SLC38A9: variants seen among roughly 807,000 people sequenced by gnomAD.
SLC38A9 encodes solute carrier family 38 member 9.
Under a neutral mutation model 62.3 loss-of-function variants are expected in SLC38A9, and 48 were observed. The observed-to-expected ratio is 0.77, with a 90% CI of 0.61 to 0.98. The LOEUF is 0.98. SLC38A9 is among the 50% of genes least tolerant of loss of function. SLC38A9 has a pLI of 0.00. For missense variants in SLC38A9, 541 were observed against 679.8 expected, an observed-to-expected ratio of 0.80 and a Z score of 2.27; for synonymous variants, 204 against 227.7, an observed-to-expected ratio of 0.90 and a Z score of 0.94.
At chr5:55,649,353 T>C (rs1746970420) in intron 10 of SLC38A9, 39 bp from the exon 11 acceptor site, 1 of 1,246,206 alleles carries the variant, frequency 8.0e-7, no homozygotes, top group Non-Finnish European at 1.1e-6. Context: ...ATTATCTTTG[T>C]GTGTTTTACA....
At position 55,669,842 on chromosome 5, in the gene SLC38A9, C is replaced by A; in HGVS notation, c.284G>T (p.Cys95Phe). 1.2e-6 allele frequency: 2 copies of A among 1,612,628 alleles called. No homozygotes were observed. Among genetic ancestry groups the A allele is most frequent in the Non-Finnish European group, 8.5e-7 (1 of 1,179,398 alleles). Reference sequence around the variant, plus strand: ...AGAGCCCAATGGACTATACACATAGCACTCTTCTGGAGCTGGAACTACATG... The same window carrying A: ...AGAGCCCAATGGACTATACACATAGAACTCTTCTGGAGCTGGAACTACATG... ...PDHVVPAPEE[C>F]YVYSPLGSAY... The change falls in exon 5 of 16, where the codon TGC becomes TTC. Residue 95 changes from cysteine to phenylalanine, a missense_variant. Physicochemically the swap from Cys to Phe is radical, Grantham distance 205 (BLOSUM62 -2). Transcript: ENST00000396865.
intron 3 of SLC38A9, among the ~76,000 whole-genome samples, chr5:55,690,250 C>G (rs1427864840): frequency 2.0e-5 from 3 of 152,050 alleles, no homozygotes; most frequent in Non-Finnish European, 4.4e-5. Flanking sequence ...CCTCAGCCTC[C>G]CAAAGTGCTG....
chr5:55,668,190 GA>G (rs57784317), intron 7 of SLC38A9, among the ~76,000 whole-genome samples: 90,733 of 151,552 alleles, frequency 0.6, 27,757 homozygotes, highest in South Asian at 0.7. Flanking sequence ...GAAAATAAAA[GA>G]AAAAACAGTT....
chr5:55,689,672 A>G (rs1280583435), intron 3 of SLC38A9, among the ~76,000 whole-genome samples: 1 of 152,194 alleles, frequency 6.6e-6, no homozygotes, highest in Non-Finnish European at 1.5e-5. Context: ...ATTTGGCCCT[A>G]ACGAGTACCA....
At chr5:55,695,579 T>C in intron 3 of SLC38A9, among the ~76,000 whole-genome samples, 1 of 104,472 alleles carries the variant, frequency 9.6e-6, no homozygotes, top group African/African-American at 3.2e-5. Context: ...AGCACAGGGT[T>C]GGGGGTAAGG....
chr5:55,656,617 C>T lies in SLC38A9; in HGVS notation c.757+98G>A, dbSNP rs1748475026. The T allele has an allele frequency of 6.3e-6, 5 of 790,432 alleles. No homozygotes were observed. The Admixed American group carries it at 1.1e-4, about 18-fold the overall frequency. 49.0% of individuals were successfully genotyped at this position (790,432 alleles called of 1,614,324 possible). A position where few individuals can be genotyped will look rare whatever the true frequency, so the allele number is the denominator to read the frequency against. ...GCTCAGTAAACATAATAATTTTCTA[C>T]TAATCGTTTACCTAAAATAAGGTCA... On this transcript the variant is annotated intron_variant, in intron 9 of 15. Coordinates refer to ENST00000396865, the MANE Select transcript of SLC38A9 (RefSeq NM_173514.4).
Position 55,697,993 on chromosome 5 carries a change from C to T in SLC38A9, c.-34-1G>A, listed in dbSNP as rs1165547119. The T allele has an allele frequency of 9.6e-7, 1 of 1,038,328 alleles. No homozygotes were observed. Among genetic ancestry groups the T allele is most frequent in the Non-Finnish European group, 1.4e-6 (1 of 691,736 alleles). The allele number at this position is 1,038,328 out of a possible 1,614,324, so 64.3% of individuals were successfully genotyped here. A position where few individuals can be genotyped will look rare whatever the true frequency, so the allele number is the denominator to read the frequency against. ...ACTCTAAGCACTGAAGAAGTTAGTC[C>T]TACACAAAGAAGATAAATAATTTAG... On this transcript the variant is annotated splice_acceptor_variant, in intron 2 of 15. Transcript: ENST00000396865. LOFTEE classifies it low-confidence loss of function (5UTR_SPLICE).
At chr5:55,627,654 A>C (rs1580045723) in intron 15 of SLC38A9, among the ~76,000 whole-genome samples, 1 of 151,088 alleles carries the variant, frequency 6.6e-6, no homozygotes, top group East Asian at 1.9e-4. Flanking sequence ...AGAAAAAGAA[A>C]ATGATGCCTG....
chr5:55,640,632 G>A (rs552018197), intron 12 of SLC38A9, among the ~76,000 whole-genome samples: 3 of 152,282 alleles, frequency 2.0e-5, no homozygotes, highest in African/African-American at 7.2e-5. Flanking sequence ...GAATTTTGGC[G>A]AGTGAAAAGT....
At chr5:55,660,907 T>C (rs1386644669) in intron 8 of SLC38A9, among the ~76,000 whole-genome samples, 1 of 152,170 alleles carries the variant, frequency 6.6e-6, no homozygotes, top group African/African-American at 2.4e-5. Flanking sequence ...GGAATGTTGA[T>C]AACTGTTAAA....
rs1750937179 is a variant in SLC38A9, at chr5:55,669,401, A to G, written c.433-80T>C. 8.0e-6 allele frequency: 11 copies of G among 1,372,932 alleles called. No homozygotes were observed. The South Asian group carries it at 1.3e-4, about 16-fold the overall frequency. The allele number at this position is 1,372,932 out of a possible 1,614,324, so 85.0% of individuals were successfully genotyped here. A position where few individuals can be genotyped will look rare whatever the true frequency, so the allele number is the denominator to read the frequency against. On this transcript the variant is annotated intron_variant, in intron 6 of 15. Transcript: ENST00000396865. ...ATATGCAATTATTTTACCCTAAACA[A>G]TCATGATAAAAACTTGACAACTCAT... is the stretch of plus-strand genomic sequence containing the variant.
At chr5:55,658,220 GTC>G (rs1748806931) in intron 8 of SLC38A9, among the ~76,000 whole-genome samples, 1 of 152,040 alleles carries the variant, frequency 6.6e-6, no homozygotes, top group African/African-American at 2.4e-5. Context: ...CTGGGGTAGA[GTC>G]GCATGACTGC....
In SLC38A9 at chr5:55,681,420, C is replaced by A. The variant is rs1386870241; in HGVS notation, c.114-8725G>T. ...AGTCTTAAGGACAATTTTTATCATA[C>A]CACTTTTTACTACTGTTTGAAAGCC... On this transcript the variant is annotated intron_variant, in intron 3 of 15. Coordinates refer to ENST00000396865, the MANE Select transcript of SLC38A9 (RefSeq NM_173514.4). 3.9e-5 allele frequency among the ~76,000 whole-genome samples: 6 copies of A among 152,150 alleles called. No individual in the cohort carries two copies. The East Asian group carries it at 9.6e-4, about 24-fold the overall frequency.
intron 8 of SLC38A9, among the ~76,000 whole-genome samples, chr5:55,659,385 T>A (rs939961065): frequency 3.4e-5 from 5 of 146,180 alleles, no homozygotes; most frequent in Admixed American, 6.8e-5. Flanking sequence ...AAGGTTTTTT[T>A]TTTTATTTTA....
At chr5:55,668,973 A>T (rs1195657028) in intron 7 of SLC38A9, 1 of 235,068 alleles carries the variant, frequency 4.3e-6, no homozygotes, top group African/African-American at 2.3e-5. Context: ...ATGAGTTTTT[A>T]AATGATTCTT....
intron 7 of SLC38A9, 80 bp from the exon 8 acceptor site, chr5:55,664,943 T>A: frequency 7.3e-6 from 7 of 954,078 alleles, no homozygotes; most frequent in Non-Finnish European, 1.0e-5. Context: ...CCAAATAAAC[T>A]CAAAATATTT....
intron 3 of SLC38A9, among the ~76,000 whole-genome samples, chr5:55,687,079 T>TTG (rs1554065558): frequency 7.3e-5 from 11 of 150,702 alleles, no homozygotes; most frequent in African/African-American, 2.2e-4. Context: ...TTTTTTTTTT[T>TTG]TTTTTTTTTT....
chr5:55,710,564 C>A (rs1757885474), intron 2 of SLC38A9, among the ~76,000 whole-genome samples: 1 of 152,096 alleles, frequency 6.6e-6, no homozygotes, highest in Non-Finnish European at 1.5e-5. Context: ...AGAGATTTTT[C>A]TCAAGTTAGG....
rs1298826094 is a variant in SLC38A9 at position 55,628,017 on chromosome 5, A to G, written c.1431-37T>C. The G allele has an allele frequency of 2.1e-6, 3 of 1,437,146 alleles. No homozygotes were observed. In the Admixed American group the frequency reaches 5.1e-5, roughly 24 times the overall value. 89.0% of individuals were successfully genotyped at this position (1,437,146 alleles called of 1,614,324 possible). On this transcript the variant is annotated intron_variant, in intron 14 of 15. Transcript: ENST00000396865. ...GAAGAGAGTTTGGAAGAAAGAAAAA[A>G]TATAAAAATAGGCAAATTATAACCA...
Sources: allele counts gnomAD v4.1 joint callset (sites outside exome capture counted in the v4.1 genomes callset), GRCh38; gene constraint gnomAD v4.1.1; transcripts MANE v1.5; gene names NCBI Gene and HGNC (gene_info 2026-07-23, HGNC 2026-07-21).